Variants in UGGT1 observed in about 807,000 individuals in gnomAD.
UGGT1 encodes UDP-glucose glycoprotein glucosyltransferase 1.
UGGT1 carries 107 observed loss-of-function variants against 203.9 expected under a neutral mutation model. The observed-to-expected ratio is 0.52, with a 90% confidence interval of 0.45 to 0.62. UGGT1 has a LOEUF of 0.62. UGGT1 is among the 20% of genes least tolerant of loss of function. The pLI is 0.00. For synonymous variants in UGGT1, 628 were observed against 653.5 expected, an observed-to-expected ratio of 0.96 and a Z score of 0.59; for missense variants, 1,673 against 1,867.2, an observed-to-expected ratio of 0.90 and a Z score of 1.92.
chr2:128,118,750 T>C (rs973015815), intron 8 of UGGT1, among the ~76,000 whole-genome samples: 18 of 152,086 alleles, frequency 1.2e-4, no homozygotes, highest in Admixed American at 6.6e-5. Context: ...ACAGGCTCAG[T>C]CTGTCACCAA....
In UGGT1 at chr2:128,155,580, A is replaced by G; in HGVS notation, c.2229A>G (p.Thr743=). The G allele has an allele frequency of 6.2e-7, 1 of 1,610,266 alleles. No individual in the cohort carries two copies. Among genetic ancestry groups the G allele is most frequent in the East Asian group, 2.2e-5 (1 of 44,744 alleles). The change falls in exon 20 of 41, where the codon ACA becomes ACG. Residue 743 remains threonine (T), a synonymous_variant. Coordinates refer to ENST00000259253, the MANE Select transcript of UGGT1 (RefSeq NM_020120.4). ...TAGCCAATAGTATGAACTATCTGAC[A>G]AAGAAAGGTAATCCATTTGAGGCTT... ...AAVANSMNYL[T]KKGMSSKEIY... is the part of the protein sequence containing the mutation.
At chr2:128,108,569 GA>G (rs1687708604) in intron 4 of UGGT1, among the ~76,000 whole-genome samples, 2 of 99,730 alleles carry the variant, frequency 2.0e-5, no homozygotes, top group Admixed American at 2.3e-4. Context: ...AGAGACTTAA[GA>G]AGAGACAGTC....
intron 15 of UGGT1, among the ~76,000 whole-genome samples, chr2:128,136,475 C>G (rs1463692501): frequency 1.3e-5 from 2 of 152,102 alleles, no homozygotes; most frequent in African/African-American, 2.4e-5. Flanking sequence ...TGTGCCTATT[C>G]AGATTGGTGT....
chr2:128,173,828 G>A lies in UGGT1; in HGVS notation c.3342G>A (p.Leu1114=). The A allele has an allele frequency of 6.2e-7, 1 of 1,614,144 alleles. No individual in the cohort carries two copies. The highest frequency in any genetic ancestry group is 8.5e-7 in the Non-Finnish European group (1 of 1,180,024). ...AGTATGAGCTGGAATACCTGTTACT[G>A]GAAGGTCATTGCTACGACATCACCA... ...AAEYELEYLL[L]EGHCYDITTG... Residue 1114 remains leucine, a synonymous_variant, in exon 30 of 41, where the codon CTG becomes CTA. Coordinates refer to ENST00000259253, the MANE Select transcript of UGGT1 (RefSeq NM_020120.4).
At chr2:128,119,777 C>G (rs984496498) in intron 8 of UGGT1, among the ~76,000 whole-genome samples, 1 of 151,672 alleles carries the variant, frequency 6.6e-6, no homozygotes, top group African/African-American at 2.4e-5. Context: ...TTGCTGTTGT[C>G]ATACTTGCTT....
rs545032156 is a variant in UGGT1 at position 128,165,915 on chromosome 2, C to T, written c.2921+1090C>T. 2.0e-5 allele frequency among the ~76,000 whole-genome samples: 3 copies of T among 152,200 alleles called. No homozygotes were observed. In the East Asian group the frequency reaches 5.8e-4, roughly 29 times the overall value. ...TGGAAGAGACCACAGGCGCTTGCCA[C>T]CATGCCTGGCTAGTTTTTGTATTTT... On this transcript the variant is annotated intron_variant, in intron 26 of 40. Transcript: ENST00000259253.
At chr2:128,121,324 T>G (rs1479353945) in intron 10 of UGGT1, 26 bp downstream of exon 10, 1 of 1,516,400 alleles carries the variant, frequency 6.6e-7, no homozygotes, top group Non-Finnish European at 9.0e-7. Flanking sequence ...GCTCTTCTCC[T>G]TAACATCATA....
intron 3 of UGGT1, among the ~76,000 whole-genome samples, chr2:128,105,386 C>G (rs1000199549): frequency 5.9e-5 from 9 of 151,646 alleles, no homozygotes; most frequent in Admixed American, 5.9e-4. Flanking sequence ...CTGTGTTGCC[C>G]AGGCTGGTCT....
intron 16 of UGGT1, among the ~76,000 whole-genome samples, chr2:128,142,624 G>C (rs1190239857): frequency 6.7e-6 from 1 of 150,322 alleles, no homozygotes; most frequent in Admixed American, 6.7e-5. Context: ...TCCAACCTAG[G>C]AAGCCATCTT....
At chr2:128,163,572 G>A (rs1690637190) in intron 25 of UGGT1, among the ~76,000 whole-genome samples, 1 of 151,964 alleles carries the variant, frequency 6.6e-6, no homozygotes, top group South Asian at 2.1e-4. Context: ...AAAATTAGCC[G>A]GGCATGGTGG....
chr2:128,174,576 C>T (rs1412069695), intron 30 of UGGT1, among the ~76,000 whole-genome samples, 197 bp from the exon 31 acceptor site: 5 of 152,202 alleles, frequency 3.3e-5, no homozygotes, highest in Admixed American at 6.5e-5. Context: ...GCTGGGATTA[C>T]AGGCGTGAGC....
intron 11 of UGGT1, among the ~76,000 whole-genome samples, chr2:128,124,238 G>A (rs1171175995): frequency 6.6e-6 from 1 of 152,092 alleles, no homozygotes; most frequent in African/African-American, 2.4e-5. Context: ...GAGCCACCGC[G>A]CCCAGCCAAC....
intron 2 of UGGT1, 148 bp downstream of exon 2, chr2:128,097,712 C>A: frequency 9.4e-7 from 1 of 1,066,084 alleles, no homozygotes; most frequent in Non-Finnish European, 1.3e-6. Flanking sequence ...ATGTATTGTA[C>A]AAAGGCTGTT....
intron 4 of UGGT1, among the ~76,000 whole-genome samples, chr2:128,109,162 G>T (rs140353376): frequency 6.7e-4 from 102 of 151,980 alleles, no homozygotes; most frequent in African/African-American, 2.4e-3. Context: ...AAATTGCTGG[G>T]ATTACAGGCA....
intron 29 of UGGT1, 22 bp from the exon 30 acceptor site, chr2:128,173,759 G>A: frequency 1.9e-6 from 3 of 1,612,344 alleles, no homozygotes; most frequent in Non-Finnish European, 1.7e-6. Flanking sequence ...GTGCATTCAA[G>A]TGATTGGATT....
chr2:128,177,797 A>T, intron 32 of UGGT1, 35 bp from the exon 33 acceptor site: 3 of 1,554,638 alleles, frequency 1.9e-6, no homozygotes, highest in Non-Finnish European at 2.6e-6. Context: ...CCTGTGAGAC[A>T]TACTGGGAGT....
chr2:128,146,789 A>T (rs1423867890), intron 18 of UGGT1, among the ~76,000 whole-genome samples: 1 of 152,162 alleles, frequency 6.6e-6, no homozygotes, highest in Admixed American at 6.6e-5. Context: ...CCATTGGCAA[A>T]CACAAACCTA....
At chr2:128,176,230 A>G (rs555271180) in intron 31 of UGGT1, among the ~76,000 whole-genome samples, 17 of 152,268 alleles carry the variant, frequency 1.1e-4, no homozygotes, top group African/African-American at 3.6e-4. Context: ...CCTAGCCACT[A>G]TGGTGAAACC....
chr2:128,103,814 A>T, intron 2 of UGGT1, 118 bp from the exon 3 acceptor site: 2 of 573,620 alleles, frequency 3.5e-6, no homozygotes, highest in Non-Finnish European at 5.8e-6. Flanking sequence ...TATATTATAG[A>T]TTAAAAGTCA....
Sources: gnomAD v4.1 joint callset for allele counts (sites outside exome capture counted in the v4.1 genomes callset) on GRCh38, gnomAD v4.1.1 for gene constraint, MANE v1.5 for transcripts, NCBI Gene and HGNC (gene_info 2026-07-23, HGNC 2026-07-21) for gene names.